The following FARS2 variants were observed in gnomAD, a reference collection of about 807,000 sequenced individuals.
FARS2 encodes the protein phenylalanyl-tRNA synthetase 2, mitochondrial.
FARS2 carries 40 observed loss-of-function variants against 46.4 expected under a neutral mutation model. The ratio of observed to expected loss-of-function variants is 0.86; its 90% confidence interval spans 0.67 to 1.12. The LOEUF is 1.12. Ranked by LOEUF, FARS2 falls within the 50% of genes most tolerant of loss-of-function variation. The probability of loss-of-function intolerance (pLI) is 0.00; values close to 1 mark genes in which losing one functional copy is unlikely to be tolerated. For synonymous variants in FARS2, 234 were observed against 214.9 expected (o/e 1.09, Z -0.78); for missense variants, 513 against 567.9 (o/e 0.90, Z 0.98).
intron 6 of FARS2, among the ~76,000 whole-genome samples, chr6:5,710,658 G>A (rs1759086120): frequency 6.6e-6 from 1 of 152,230 alleles, no homozygotes; most frequent in East Asian, 1.9e-4. Flanking sequence ...CTGGGACGCG[G>A]AAGCATCTGT....
chr6:5,701,246 C>T (rs747180205), intron 6 of FARS2, among the ~76,000 whole-genome samples: 1 of 152,222 alleles, frequency 6.6e-6, no homozygotes, highest in Non-Finnish European at 1.5e-5. Context: ...AGAGTTAGGG[C>T]CCCGTGTGCA....
intron 1 of FARS2, among the ~76,000 whole-genome samples, chr6:5,340,080 C>T (rs1168027002): frequency 1.3e-5 from 2 of 152,190 alleles, no homozygotes; most frequent in African/African-American, 4.8e-5. Context: ...TTAATAGCAA[C>T]CAAATACTGA....
At chr6:5,575,735 G>A (rs1292707294) in intron 5 of FARS2, among the ~76,000 whole-genome samples, 13 of 152,136 alleles carry the variant, frequency 8.5e-5, no homozygotes, top group Admixed American at 4.6e-4. Context: ...CCTTCTTTGT[G>A]TTAGTTAATC....
chr6:5,465,544 T>C (rs1765466509), intron 4 of FARS2, among the ~76,000 whole-genome samples: 2 of 152,206 alleles, frequency 1.3e-5, no homozygotes, highest in African/African-American at 2.4e-5. Flanking sequence ...CTGTTCTGAC[T>C]TTTTAAAGAC....
intron 6 of FARS2, among the ~76,000 whole-genome samples, chr6:5,648,917 C>T (rs982776565): frequency 2.6e-5 from 4 of 152,152 alleles, no homozygotes; most frequent in South Asian, 4.1e-4. Context: ...ACTTAGTAGG[C>T]GCTCAGTAAA....
chr6:5,449,352 C>CAAAAAAAAAA, intron 4 of FARS2, among the ~76,000 whole-genome samples: 1 of 120,834 alleles, frequency 8.3e-6, no homozygotes, highest in South Asian at 2.8e-4. Flanking sequence ...GACTCCATCT[C>CAAAAAAAAAA]AAAAAAAAAA....
intron 6 of FARS2, among the ~76,000 whole-genome samples, chr6:5,638,303 G>A (rs1776641866): frequency 1.3e-5 from 2 of 152,330 alleles, no homozygotes; most frequent in South Asian, 4.1e-4. Flanking sequence ...AGTGGCTCAC[G>A]CCTGTCATCC....
intron 6 of FARS2, among the ~76,000 whole-genome samples, chr6:5,655,390 C>T (rs141207467): frequency 6.6e-6 from 1 of 152,084 alleles, no homozygotes; most frequent in Non-Finnish European, 1.5e-5. Context: ...GTTTCACTGC[C>T]CTAACAAATT....
intron 6 of FARS2, among the ~76,000 whole-genome samples, chr6:5,738,845 G>C (rs143491763): frequency 6.6e-6 from 1 of 152,032 alleles, no homozygotes. Flanking sequence ...GTGTATCGTT[G>C]TCGGTTTTTT....
At chr6:5,517,822 A>G (rs2150417639) in intron 4 of FARS2, among the ~76,000 whole-genome samples, 1 of 152,328 alleles carries the variant, frequency 6.6e-6, no homozygotes, top group African/African-American at 2.4e-5. Flanking sequence ...TTTTAAATGT[A>G]GCTAGAACAT....
chr6:5,486,214 A>T (rs961801279), intron 4 of FARS2, among the ~76,000 whole-genome samples: 5 of 152,200 alleles, frequency 3.3e-5, no homozygotes, highest in African/African-American at 1.2e-4. Flanking sequence ...GTAAAGCTTA[A>T]CTTTTTATAT....
chr6:5,377,202 C>A (rs190749612), intron 2 of FARS2, among the ~76,000 whole-genome samples: 8 of 152,320 alleles, frequency 5.3e-5, no homozygotes, highest in Admixed American at 5.2e-4. Flanking sequence ...TTGAAACATG[C>A]ATGTGTGGAC....
At chr6:5,361,217 T>C (rs1025455281) in intron 1 of FARS2, among the ~76,000 whole-genome samples, 26 of 152,198 alleles carry the variant, frequency 1.7e-4, no homozygotes, top group Admixed American at 6.5e-5. Context: ...CTTTATGTAG[T>C]TGTATCATTC....
intron 1 of FARS2, among the ~76,000 whole-genome samples, chr6:5,294,122 C>A (rs188495737): frequency 4.6e-4 from 70 of 152,260 alleles, no homozygotes; most frequent in Admixed American, 1.8e-3. Flanking sequence ...ATAGTTAATT[C>A]AGGAACAGGT....
intron 6 of FARS2, among the ~76,000 whole-genome samples, chr6:5,713,083 A>G (rs773203561): frequency 5.9e-5 from 9 of 152,140 alleles, no homozygotes; most frequent in Admixed American, 4.6e-4. Flanking sequence ...CAAACCTTTA[A>G]TGGTCCTGGC....
intron 2 of FARS2, among the ~76,000 whole-genome samples, chr6:5,395,812 A>G (rs1760866857): frequency 6.6e-6 from 1 of 152,166 alleles, no homozygotes; most frequent in Non-Finnish European, 1.5e-5. Flanking sequence ...TTGTAGTAAC[A>G]TTTGTTGTTT....
intron 4 of FARS2, 110 bp downstream of exon 4, chr6:5,431,282 G>C: frequency 9.2e-7 from 1 of 1,085,640 alleles, no homozygotes; most frequent in Non-Finnish European, 1.4e-6. Context: ...GCGGGCAGCG[G>C]CATCACTGGT....
chr6:5,421,245 C>T (rs1470554042), intron 3 of FARS2, among the ~76,000 whole-genome samples: 1 of 152,166 alleles, frequency 6.6e-6, no homozygotes, highest in Non-Finnish European at 1.5e-5. Flanking sequence ...CTACATTGAC[C>T]CCTTTCAGCC....
intron 2 of FARS2, among the ~76,000 whole-genome samples, chr6:5,402,387 G>GT (rs761267036): frequency 3.8e-5 from 3 of 78,820 alleles, no homozygotes; most frequent in African/African-American, 1.5e-4. Context: ...GTGCTCCTTA[G>GT]TTTTGGGGGG....
Sources: allele counts gnomAD v4.1 joint callset (sites outside exome capture counted in the v4.1 genomes callset), GRCh38; gene constraint gnomAD v4.1.1; transcripts MANE v1.5; gene names NCBI Gene and HGNC (gene_info 2026-07-23, HGNC 2026-07-21).